The following PRDM5 variants were observed in gnomAD, a reference collection of about 807,000 sequenced individuals.
PRDM5 encodes the protein PR domain zinc finger protein 5.
In PRDM5, 56 loss-of-function variants were observed where a neutral mutation model predicts 81.2. That is an observed-to-expected ratio of 0.69 (90% CI 0.56 to 0.86). PRDM5 has a LOEUF of 0.86. Among genes scored for constraint, PRDM5 ranks in the 40% least tolerant of loss-of-function variants. The pLI is 0.00. For missense variants in PRDM5, 697 were observed against 770.1 expected (o/e 0.91, Z 1.12); for synonymous variants, 267 against 256.4 (o/e 1.04, Z -0.39).
chr4:120,781,241 C>T lies in PRDM5; in HGVS notation c.1345G>A (p.Val449Ile), dbSNP rs769063569. The change falls in exon 12 of 16, where the codon GTT becomes ATT. Residue 449 changes from valine to isoleucine, a missense_variant. Around this residue, in one of 3 missense-constraint regions of PRDM5, gnomAD observed 577 missense variants for 606.7 expected, o/e 0.95. Coordinates refer to ENST00000264808, the MANE Select transcript of PRDM5 (RefSeq NM_018699.4). ...ATFKRKDTLN[V>I]HVQVVHERHK... ...CTTTCATGAACCACCTGGACATGAACATTTAATGTATCCTTCCTCTTAAAG... is the reference window on the plus strand; with the variant it reads ...CTTTCATGAACCACCTGGACATGAATATTTAATGTATCCTTCCTCTTAAAG... The T allele has an allele frequency of 2.5e-6, 4 of 1,612,548 alleles. No individual in the cohort carries two copies. Among genetic ancestry groups the T allele is most frequent in the Non-Finnish European group, 2.5e-6 (3 of 1,178,878 alleles).
At chr4:120,906,099 GT>G (rs1561682245) in intron 2 of PRDM5, among the ~76,000 whole-genome samples, 1 of 152,052 alleles carries the variant, frequency 6.6e-6, no homozygotes, top group Non-Finnish European at 1.5e-5. Context: ...AACCTCCTGA[GT>G]AGCTGGGACT....
chr4:120,738,183 C>T (rs1042767399), intron 14 of PRDM5, among the ~76,000 whole-genome samples: 8 of 152,338 alleles, frequency 5.3e-5, no homozygotes, highest in South Asian at 2.1e-4. Context: ...AGATCACCCA[C>T]GCTTGAGTTT....
chr4:120,700,448 A>C (rs1193770290), intron 15 of PRDM5, among the ~76,000 whole-genome samples: 1 of 152,190 alleles, frequency 6.6e-6, no homozygotes, highest in Non-Finnish European at 1.5e-5. Flanking sequence ...AAAACAAAAA[A>C]TTCACAAGTG....
intron 2 of PRDM5, among the ~76,000 whole-genome samples, chr4:120,857,613 C>A (rs183853473): frequency 3.9e-5 from 6 of 152,132 alleles, no homozygotes; most frequent in African/African-American, 9.6e-5. Context: ...TAAAAGTTCA[C>A]AACATTGAAT....
chr4:120,764,822 T>C (rs1746148630), intron 13 of PRDM5, among the ~76,000 whole-genome samples: 1 of 152,216 alleles, frequency 6.6e-6, no homozygotes. Flanking sequence ...TCTTAGATTA[T>C]CTGCAGGTAA....
At chr4:120,912,915 T>C (rs1183337617) in intron 1 of PRDM5, among the ~76,000 whole-genome samples, 1 of 152,232 alleles carries the variant, frequency 6.6e-6, no homozygotes, top group Non-Finnish European at 1.5e-5. Context: ...TATGTTTCAA[T>C]GTTAAACTAC....
intron 8 of PRDM5, among the ~76,000 whole-genome samples, chr4:120,805,980 C>CT (rs775552230): frequency 5.5e-4 from 83 of 152,270 alleles, no homozygotes; most frequent in African/African-American, 1.9e-3. Flanking sequence ...TCTCCTTAAG[C>CT]TAATAAGCAA....
intron 13 of PRDM5, among the ~76,000 whole-genome samples, chr4:120,758,080 T>G (rs893689217): frequency 6.6e-6 from 1 of 152,160 alleles, no homozygotes; most frequent in Non-Finnish European, 1.5e-5. Context: ...CATCATTGGC[T>G]CACCTGGTTT....
chr4:120,922,040 T>C (rs1231082204), intron 1 of PRDM5, among the ~76,000 whole-genome samples: 1 of 152,148 alleles, frequency 6.6e-6, no homozygotes, highest in Non-Finnish European at 1.5e-5. Context: ...CATCCCCGCA[T>C]GGAAAGTTAG....
At chr4:120,852,206 G>T (rs1333546997) in intron 3 of PRDM5, among the ~76,000 whole-genome samples, 1 of 152,116 alleles carries the variant, frequency 6.6e-6, no homozygotes, top group Non-Finnish European at 1.5e-5. Context: ...AGTATGCTAG[G>T]ATACAGGGAA....
At chr4:120,809,118 A>G (rs1369409829) in intron 8 of PRDM5, among the ~76,000 whole-genome samples, 1 of 152,196 alleles carries the variant, frequency 6.6e-6, no homozygotes, top group Non-Finnish European at 1.5e-5. Context: ...CTGCCAGCAC[A>G]CTGTCACCTC....
At chr4:120,898,300 G>A (rs1764874828) in intron 2 of PRDM5, among the ~76,000 whole-genome samples, 1 of 152,148 alleles carries the variant, frequency 6.6e-6, no homozygotes. Flanking sequence ...AAAGGCATGT[G>A]GCTTAACTTT....
chr4:120,832,426 G>A (rs1215594377), intron 3 of PRDM5, among the ~76,000 whole-genome samples: 2 of 152,054 alleles, frequency 1.3e-5, no homozygotes, highest in African/African-American at 2.4e-5. Context: ...TTCAAGATGA[G>A]AGTTGGGTGG....
chr4:120,784,957 G>T (rs771502140), intron 11 of PRDM5, 41 bp downstream of exon 11: 104 of 1,466,524 alleles, frequency 7.1e-5, no homozygotes, highest in Non-Finnish European at 9.4e-5. Flanking sequence ...CAAAGTATGA[G>T]ATAATTCCTT....
chr4:120,803,138 G>A (rs755369426), intron 8 of PRDM5, among the ~76,000 whole-genome samples: 33 of 152,174 alleles, frequency 2.2e-4, no homozygotes, highest in African/African-American at 5.8e-4. Context: ...GAAATGAAGC[G>A]AGAAGGAAAG....
chr4:120,848,352 A>G (rs1758884321), intron 3 of PRDM5, among the ~76,000 whole-genome samples: 1 of 152,182 alleles, frequency 6.6e-6, no homozygotes, highest in Admixed American at 6.5e-5. Context: ...TTAAAAAGTA[A>G]TCTCAACTTT....
At position 120,813,574 on chromosome 4, in the gene PRDM5, T is replaced by C. The variant is rs552786893; in HGVS notation, c.866-2125A>G. On this transcript the variant is annotated intron_variant, in intron 7 of 15. Transcript: ENST00000264808. ...GATGCCTATTCCATTTAATGCACTG[T>C]TTTTAGCAGGCTAAATATGATAGCC... Among the ~76,000 whole-genome samples, 109 of 152,358 alleles carry C rather than the reference T, an allele frequency of 7.2e-4. 2 individuals are homozygous for C. Among genetic ancestry groups the C allele is most frequent in the African/African-American group, 2.5e-3 (106 of 41,584 alleles).
intron 3 of PRDM5, among the ~76,000 whole-genome samples, chr4:120,835,500 T>C (rs141319561): frequency 1.2e-4 from 19 of 152,300 alleles, no homozygotes; most frequent in East Asian, 5.8e-4. Context: ...AGGTAACTCA[T>C]AGGGGCAGGT....
chr4:120,890,135 CA>C (rs1763884412), intron 2 of PRDM5, among the ~76,000 whole-genome samples: 1 of 152,156 alleles, frequency 6.6e-6, no homozygotes. Flanking sequence ...CATGGTTCCA[CA>C]GGCTGTACAG....
Sources: gnomAD v4.1 joint callset for allele counts (sites outside exome capture counted in the v4.1 genomes callset) on GRCh38, gnomAD v4.1.1 for gene constraint, gnomAD v4.1.1 regional missense constraint, MANE v1.5 for transcripts, NCBI Gene and HGNC (gene_info 2026-07-23, HGNC 2026-07-21) for gene names.